The following SPIRE1 variants were observed in gnomAD, a reference collection of about 807,000 sequenced individuals.
The protein encoded by SPIRE1 is spire type actin nucleation factor 1.
Under a neutral mutation model 94.1 loss-of-function variants are expected in SPIRE1, and 40 were observed. The observed-to-expected ratio is 0.43, with a 90% confidence interval of 0.33 to 0.55. The LOEUF (loss-of-function observed/expected upper bound fraction) is 0.55, where lower values mean the gene tolerates loss of function less well. Ranked by LOEUF, SPIRE1 falls within the 20% of genes least tolerant of loss-of-function variation. The pLI, the probability that SPIRE1 is intolerant of heterozygous loss-of-function variation, is 0.06. For synonymous variants in SPIRE1, 376 were observed against 371.7 expected (o/e 1.01, Z -0.13); for missense variants, 838 against 975.2 (o/e 0.86, Z 1.87).
intron 2 of SPIRE1, among the ~76,000 whole-genome samples, chr18:12,610,525 TTCTC>T (rs1430748953): frequency 6.6e-6 from 1 of 152,172 alleles, no homozygotes; most frequent in Non-Finnish European, 1.5e-5. Flanking sequence ...CCCTTGCCTT[TTCTC>T]TCTTTGTACT....
At chr18:12,461,543 G>T in intron 12 of SPIRE1, among the ~76,000 whole-genome samples, 1 of 149,176 alleles carries the variant, frequency 6.7e-6, no homozygotes, top group Non-Finnish European at 1.5e-5. Context: ...ACGTACATAT[G>T]TATATACATA....
At chr18:12,624,561 AT>A (rs2037568072) in intron 2 of SPIRE1, among the ~76,000 whole-genome samples, 1 of 148,872 alleles carries the variant, frequency 6.7e-6, no homozygotes, top group African/African-American at 2.5e-5. Context: ...AAAAAAAAAA[AT>A]CTACATACTC....
In SPIRE1 at chr18:12,463,404, G is replaced by C; in HGVS notation, c.1585C>G (p.Pro529Ala). 1 of 1,614,046 alleles carries C rather than the reference G, an allele frequency of 6.2e-7. No individual in the cohort carries two copies. Among genetic ancestry groups the C allele is most frequent in the Admixed American group, 1.7e-5 (1 of 60,020 alleles). ...GGCAGGAACTGCCTCACGTTAGTAG[G>C]CGTTTCCTTTTCAATGGAATGTCGT... Reference protein sequence around the residue: ...QRRHSIEKETPTNVRQFLPPS... With the variant: ...QRRHSIEKETATNVRQFLPPS... The change falls in exon 12 of 17, where the codon CCT (proline) becomes GCT (alanine). Residue 529 changes from proline to alanine, a missense_variant. Pro to Ala is a conservative substitution (Grantham distance 27). Around this residue, in one of 2 missense-constraint regions of SPIRE1, gnomAD observed 645 missense variants for 804.7 expected, o/e 0.80. Coordinates refer to ENST00000409402, the MANE Select transcript of SPIRE1 (RefSeq NM_001128626.2).
At position 12,454,367 on chromosome 18, in the gene SPIRE1, G is replaced by A. The variant is rs76652753; in HGVS notation, c.1755C>T (p.Tyr585=). The A allele has an allele frequency of 2.3e-5, 37 of 1,614,114 alleles. No individual in the cohort carries two copies. In the African/African-American group the frequency reaches 4.5e-4, roughly 20 times the overall value. Residue 585 remains tyrosine, a synonymous_variant, in exon 13 of 17, where the codon TAC becomes TAT. Transcript: ENST00000409402. ...CTACCTTTCCTTTTTTCAAGGCGGTGTAGATGTCTTTATACTGTTGGTATT... is the reference window on the plus strand; with the variant it reads ...CTACCTTTCCTTTTTTCAAGGCGGTATAGATGTCTTTATACTGTTGGTATT... ...LEKYQQYKDI[Y]TALKKGKLCF...
chr18:12,607,882 C>A (rs141833941), intron 2 of SPIRE1, among the ~76,000 whole-genome samples: 7 of 152,038 alleles, frequency 4.6e-5, no homozygotes, highest in Non-Finnish European at 7.4e-5. Flanking sequence ...TACGGCCGGG[C>A]GTGGTGGCTC....
At chr18:12,469,357 C>T (rs2032248672) in intron 10 of SPIRE1, among the ~76,000 whole-genome samples, 1 of 151,442 alleles carries the variant, frequency 6.6e-6, no homozygotes, top group East Asian at 1.9e-4. Flanking sequence ...CAAGTGCCAC[C>T]ATGCCTGGCT....
intron 1 of SPIRE1, among the ~76,000 whole-genome samples, chr18:12,646,764 G>C (rs1035928560): frequency 1.3e-5 from 2 of 152,128 alleles, no homozygotes; most frequent in Admixed American, 1.3e-4. Context: ...AATGTATTAG[G>C]CCCGGCGCAG....
In SPIRE1 at chr18:12,449,582, T is replaced by C; in HGVS notation, c.*56A>G. 4 of 1,554,400 alleles carry C rather than the reference T, an allele frequency of 2.6e-6. No homozygotes were observed. The highest frequency in any genetic ancestry group is 3.5e-6 in the Non-Finnish European group (4 of 1,146,706). On this transcript the variant is annotated 3_prime_UTR_variant, in exon 17 of 17. Transcript: ENST00000409402. Reference sequence around the variant, plus strand: ...AGAAAGGAGAGCCAGCCCGGCTCAGTGTCCTCGCGCACGGACGCTGACTCG... The same window carrying C: ...AGAAAGGAGAGCCAGCCCGGCTCAGCGTCCTCGCGCACGGACGCTGACTCG...
At chr18:12,607,372 G>A (rs920601781) in intron 2 of SPIRE1, among the ~76,000 whole-genome samples, 1 of 152,104 alleles carries the variant, frequency 6.6e-6, no homozygotes, top group African/African-American at 2.4e-5. Context: ...GAGACTCAAT[G>A]TTATGGGAAT....
chr18:12,544,504 GT>G (rs549818922), intron 3 of SPIRE1, among the ~76,000 whole-genome samples: 109 of 140,082 alleles, frequency 7.8e-4, no homozygotes, highest in East Asian at 1.0e-3. Context: ...GCGCCCAGTC[GT>G]TTTTTTTTTT....
At chr18:12,489,137 A>C (rs938927330) in intron 8 of SPIRE1, among the ~76,000 whole-genome samples, 3 of 152,208 alleles carry the variant, frequency 2.0e-5, no homozygotes, top group Non-Finnish European at 4.4e-5. Context: ...GCAATGAGCC[A>C]AGATCGCACC....
intron 6 of SPIRE1, among the ~76,000 whole-genome samples, chr18:12,501,331 G>T (rs1340768959): frequency 8.5e-5 from 13 of 152,052 alleles, no homozygotes; most frequent in Admixed American, 7.9e-4. Flanking sequence ...ATAATAAATG[G>T]GTACATGGGT....
chr18:12,548,438 G>T (rs2035235381), intron 2 of SPIRE1, among the ~76,000 whole-genome samples: 1 of 151,980 alleles, frequency 6.6e-6, no homozygotes, highest in Non-Finnish European at 1.5e-5. Flanking sequence ...CTTTACCAAT[G>T]AAATAATATT....
At chr18:12,573,646 A>G (rs576545551) in intron 2 of SPIRE1, among the ~76,000 whole-genome samples, 2 of 152,376 alleles carry the variant, frequency 1.3e-5, no homozygotes, top group South Asian at 4.1e-4. Flanking sequence ...TCTATATAAC[A>G]GTAATGATGG....
chr18:12,621,638 T>C (rs908922218), intron 2 of SPIRE1, among the ~76,000 whole-genome samples: 1 of 152,226 alleles, frequency 6.6e-6, no homozygotes, highest in Non-Finnish European at 1.5e-5. Context: ...AGTCCGTGCA[T>C]ATGCAATGTC....
At chr18:12,470,467 T>C (rs960335984) in intron 10 of SPIRE1, among the ~76,000 whole-genome samples, 1 of 152,184 alleles carries the variant, frequency 6.6e-6, no homozygotes, top group Non-Finnish European at 1.5e-5. Context: ...CACACAATTT[T>C]CTGATTGCTT....
intron 6 of SPIRE1, among the ~76,000 whole-genome samples, chr18:12,503,399 C>G (rs2033727791): frequency 6.6e-6 from 1 of 152,258 alleles, no homozygotes; most frequent in Non-Finnish European, 1.5e-5. Flanking sequence ...TTCCAGCCTT[C>G]TCTCTGGCTA....
intron 4 of SPIRE1, among the ~76,000 whole-genome samples, chr18:12,525,289 A>AAT (rs1372258128): frequency 6.8e-6 from 1 of 146,484 alleles, no homozygotes; most frequent in African/African-American, 2.5e-5. Flanking sequence ...AAAAAAAAAA[A>AAT]AAAAAAAAAT....
At chr18:12,625,314 A>G (rs1374048188) in intron 2 of SPIRE1, among the ~76,000 whole-genome samples, 1 of 152,178 alleles carries the variant, frequency 6.6e-6, no homozygotes, top group Non-Finnish European at 1.5e-5. Context: ...GGGGTCTTTA[A>G]TCCAAAAAGA....
Sources: gnomAD v4.1 joint callset for allele counts (sites outside exome capture counted in the v4.1 genomes callset) on GRCh38, gnomAD v4.1.1 for gene constraint, gnomAD v4.1.1 regional missense constraint, MANE v1.5 for transcripts, NCBI Gene and HGNC (gene_info 2026-07-23, HGNC 2026-07-21) for gene names.